Variants in SMOC2 observed in about 807,000 individuals in gnomAD.
SMOC2 encodes SPARC related modular calcium binding 2.
In SMOC2, 39 loss-of-function variants were observed where a neutral mutation model predicts 61.4. That is an observed-to-expected ratio of 0.64 (90% CI 0.49 to 0.83). The LOEUF (loss-of-function observed/expected upper bound fraction) is 0.83, where lower values mean the gene tolerates loss of function less well. SMOC2 is among the 40% of genes least tolerant of loss of function. The pLI, the probability that SMOC2 is intolerant of heterozygous loss-of-function variation, is 0.00. For synonymous variants in SMOC2, 247 were observed against 239.9 expected, an observed-to-expected ratio of 1.03 and a Z score of -0.27; for missense variants, 556 against 592.9, an observed-to-expected ratio of 0.94 and a Z score of 0.65.
At chr6:168,594,359 T>G (rs573787728) in intron 7 of SMOC2, among the ~76,000 whole-genome samples, 2 of 44,656 alleles carry the variant, frequency 4.5e-5, no homozygotes, top group South Asian at 2.7e-3. Flanking sequence ...TCCTCCTTCC[T>G]GAGGCCTCAC....
chr6:168,640,197 TG>T (rs1786858003), intron 9 of SMOC2, among the ~76,000 whole-genome samples: 1 of 148,298 alleles, frequency 6.7e-6, no homozygotes, highest in African/African-American at 2.6e-5. Context: ...GTGTTGGTGT[TG>T]GTGTTGTATT....
intron 1 of SMOC2, among the ~76,000 whole-genome samples, chr6:168,499,566 T>C (rs893683466): frequency 2.0e-5 from 3 of 152,238 alleles, no homozygotes; most frequent in Non-Finnish European, 4.4e-5. Context: ...AGATCAGTTT[T>C]TCCCTATATG....
chr6:168,482,703 C>G (rs1441952048), intron 1 of SMOC2, among the ~76,000 whole-genome samples: 3 of 152,024 alleles, frequency 2.0e-5, no homozygotes, highest in African/African-American at 7.2e-5. Flanking sequence ...GGAATATACA[C>G]CATGATCATG....
At chr6:168,457,025 C>T (rs369429899) in intron 1 of SMOC2, among the ~76,000 whole-genome samples, 11 of 152,288 alleles carry the variant, frequency 7.2e-5, no homozygotes, top group African/African-American at 2.2e-4. Context: ...GGCAACTGCT[C>T]CACATCATGC....
chr6:168,622,361 G>C (rs1786269152), intron 9 of SMOC2, among the ~76,000 whole-genome samples: 4 of 151,902 alleles, frequency 2.6e-5, no homozygotes, highest in African/African-American at 7.3e-5. Context: ...GTTCTGGCTT[G>C]GGAGGCTGCC....
At chr6:168,581,345 G>A (rs1784912530) in intron 7 of SMOC2, among the ~76,000 whole-genome samples, 1 of 152,194 alleles carries the variant, frequency 6.6e-6, no homozygotes, top group Non-Finnish European at 1.5e-5. Flanking sequence ...GGGGACATCT[G>A]TGACAGGTGG....
intron 1 of SMOC2, among the ~76,000 whole-genome samples, chr6:168,449,350 G>T (rs1469671207): frequency 6.6e-6 from 1 of 152,012 alleles, no homozygotes; most frequent in Non-Finnish European, 1.5e-5. Context: ...TCGAATTGAG[G>T]GAAAATGACT....
rs185235130 is a variant in SMOC2, at chr6:168,619,387, C to T, written c.907+11148C>T. 1.4e-4 allele frequency among the ~76,000 whole-genome samples: 22 copies of T among 152,292 alleles called. 1 individual carries two copies. Among genetic ancestry groups the T allele is most frequent in the Admixed American group, 1.4e-3 (21 of 15,300 alleles). ...AATAGTGTAAGCAATATTTCAGAGA[C>T]AATTTAAATAACTTGAGAACAAACT... is the stretch of plus-strand genomic sequence containing the variant. On this transcript the variant is annotated intron_variant, in intron 9 of 12. Coordinates refer to ENST00000356284, the MANE Select transcript of SMOC2 (RefSeq NM_001166412.2).
intron 9 of SMOC2, among the ~76,000 whole-genome samples, chr6:168,635,907 T>C (rs1052749009): frequency 4.0e-5 from 6 of 151,654 alleles, no homozygotes; most frequent in Non-Finnish European, 7.4e-5. Context: ...TAACAAATAG[T>C]TTTCTTGGTG....
intron 4 of SMOC2, among the ~76,000 whole-genome samples, chr6:168,536,523 G>C (rs1036394704): frequency 1.3e-5 from 2 of 152,112 alleles, no homozygotes; most frequent in African/African-American, 4.8e-5. Context: ...GCCTCCCTGG[G>C]ATGAGGCAGG....
In SMOC2 at chr6:168,474,815, G is replaced by A. The variant is rs771344244; in HGVS notation, c.84+33361G>A. Reference sequence around the variant, plus strand: ...GTAGAAAACGTGTAACAAATGACACGTCCTTAACCTTTTGAGGCATTTATA... The same window carrying A: ...GTAGAAAACGTGTAACAAATGACACATCCTTAACCTTTTGAGGCATTTATA... On this transcript the variant is annotated intron_variant, in intron 1 of 12. Coordinates refer to ENST00000356284, the MANE Select transcript of SMOC2 (RefSeq NM_001166412.2). 1.1e-4 allele frequency among the ~76,000 whole-genome samples: 16 copies of A among 152,174 alleles called. 1 individual carries two copies. Among genetic ancestry groups the A allele is most frequent in the Non-Finnish European group, 2.2e-4 (15 of 68,008 alleles).
At chr6:168,537,103 G>T (rs1434168510) in intron 4 of SMOC2, among the ~76,000 whole-genome samples, 1 of 152,254 alleles carries the variant, frequency 6.6e-6, no homozygotes, top group Non-Finnish European at 1.5e-5. Flanking sequence ...GACCCTGACT[G>T]GTCCAAAGGC....
intron 11 of SMOC2, among the ~76,000 whole-genome samples, chr6:168,656,507 T>TAAAAAAAA (rs5881805): frequency 2.3e-5 from 2 of 86,804 alleles, no homozygotes; most frequent in South Asian, 6.9e-4. Flanking sequence ...GACTTTGTGT[T>TAAAAAAAA]AAAAAAAAAA....
At chr6:168,573,720 C>T (rs1022629513) in intron 7 of SMOC2, among the ~76,000 whole-genome samples, 1 of 152,146 alleles carries the variant, frequency 6.6e-6, no homozygotes, top group African/African-American at 2.4e-5. Context: ...CCTGTCTCCC[C>T]AGCAGGACCC....
In SMOC2 at chr6:168,549,130, T is replaced by C; in HGVS notation, c.564T>C (p.Asp188=). 1 of 1,613,822 alleles carries C rather than the reference T, an allele frequency of 6.2e-7. No individual in the cohort carries two copies. The highest frequency in any genetic ancestry group is 1.3e-5 in the African/African-American group (1 of 75,058). Residue 188 remains aspartate, a splice_region_variant and synonymous_variant, in exon 7 of 13, where the codon GAT becomes GAC. Transcript: ENST00000356284. ...TTGTCATTTCATTTTGGTTCATAGA[T>C]ATTGCATCACGTTACCCTACCCTTT... ...LETQPQGDEE[D]IASRYPTLWT... is the part of the protein sequence containing the mutation.
chr6:168,471,467 C>T (rs1781966489), intron 1 of SMOC2, among the ~76,000 whole-genome samples: 1 of 152,166 alleles, frequency 6.6e-6, no homozygotes, highest in African/African-American at 2.4e-5. Context: ...CATACACCAC[C>T]TTTAGCTTAT....
intron 1 of SMOC2, among the ~76,000 whole-genome samples, chr6:168,444,042 A>G (rs577341748): frequency 2.0e-5 from 3 of 152,328 alleles, no homozygotes; most frequent in South Asian, 4.1e-4. Flanking sequence ...AGAGAGTGCT[A>G]TCAATTGATA....
At chr6:168,516,766 G>A (rs1350067045) in intron 2 of SMOC2, among the ~76,000 whole-genome samples, 1 of 152,144 alleles carries the variant, frequency 6.6e-6, no homozygotes, top group African/African-American at 2.4e-5. Context: ...GGCCAGCATA[G>A]TGAAACCTCG....
At chr6:168,596,987 G>A (rs1337131575) in intron 7 of SMOC2, among the ~76,000 whole-genome samples, 1 of 152,230 alleles carries the variant, frequency 6.6e-6, no homozygotes, top group Non-Finnish European at 1.5e-5. Flanking sequence ...TGATCCATGA[G>A]TTCTGAGCTT....
Sources: allele counts gnomAD v4.1 joint callset (sites outside exome capture counted in the v4.1 genomes callset), GRCh38; gene constraint gnomAD v4.1.1; transcripts MANE v1.5; gene names NCBI Gene and HGNC (gene_info 2026-07-23, HGNC 2026-07-21).